Variants in PRKN observed in about 807,000 individuals in gnomAD.
PRKN encodes the protein E3 ubiquitin-protein ligase parkin.
A neutral mutation model predicts 59.5 loss-of-function variants in PRKN; 56 were observed. The observed-to-expected ratio is 0.94, with a 90% CI of 0.76 to 1.18. The LOEUF (loss-of-function observed/expected upper bound fraction) is 1.18. Ranked by LOEUF, PRKN falls within the 50% of genes most tolerant of loss-of-function variation. PRKN has a pLI of 0.00. For missense variants in PRKN, 657 were observed against 596.4 expected, an observed-to-expected ratio of 1.10 and a Z score of -1.06; for synonymous variants, 250 against 222.1, an observed-to-expected ratio of 1.13 and a Z score of -1.12.
At chr6:162,001,672 C>A (rs1782061737) in intron 5 of PRKN, among the ~76,000 whole-genome samples, 1 of 151,822 alleles carries the variant, frequency 6.6e-6, no homozygotes, top group Non-Finnish European at 1.5e-5. Flanking sequence ...ATTAGTTAGG[C>A]CTTCCAGTAA....
intron 3 of PRKN, among the ~76,000 whole-genome samples, chr6:162,247,580 T>G (rs1779253559): frequency 1.3e-5 from 2 of 152,172 alleles, no homozygotes; most frequent in Non-Finnish European, 2.9e-5. Context: ...TCCAATGCAT[T>G]AATGCAAAAT....
At position 162,435,040 on chromosome 6, in the gene PRKN, T is replaced by C. The variant is rs541252252; in HGVS notation, c.171+8270A>G. Among the ~76,000 whole-genome samples the C allele has an allele frequency of 2.6e-5, 4 of 152,318 alleles. No individual in the cohort carries two copies. In the South Asian group the frequency reaches 6.2e-4, roughly 24 times the overall value. On this transcript the variant is annotated intron_variant, in intron 2 of 11. Coordinates refer to ENST00000366898, the MANE Select transcript of PRKN (RefSeq NM_004562.3). ...AAAATCTCAGATAACATCAGGTCAA[T>C]TGGATGATGGAATCTTAGTCCAATA...
chr6:162,107,403 T>A (rs1373460800), intron 4 of PRKN, among the ~76,000 whole-genome samples: 1 of 152,138 alleles, frequency 6.6e-6, no homozygotes, highest in Non-Finnish European at 1.5e-5. Flanking sequence ...AGGTGGAGGT[T>A]GCAGTGAGCC....
intron 6 of PRKN, among the ~76,000 whole-genome samples, chr6:161,812,480 G>A (rs986041666): frequency 2.6e-5 from 4 of 152,134 alleles, no homozygotes; most frequent in Non-Finnish European, 5.9e-5. Flanking sequence ...ATCTGTCTGA[G>A]AAAGGACCTA....
chr6:162,012,444 A>G (rs559344650), intron 5 of PRKN, among the ~76,000 whole-genome samples: 2 of 152,240 alleles, frequency 1.3e-5, no homozygotes, highest in East Asian at 3.9e-4. Flanking sequence ...ACATTATTAT[A>G]TATCTTTATG....
intron 1 of PRKN, among the ~76,000 whole-genome samples, chr6:162,622,361 T>G (rs1782710916): frequency 6.6e-6 from 1 of 151,936 alleles, no homozygotes; most frequent in African/African-American, 2.4e-5. Context: ...TTTTTGCATT[T>G]TTAGTAGAGA....
chr6:162,670,218 C>T (rs1215432293), intron 1 of PRKN, among the ~76,000 whole-genome samples: 2 of 152,276 alleles, frequency 1.3e-5, no homozygotes, highest in South Asian at 2.1e-4. Context: ...ACATTTATAA[C>T]AGCAACAGCC....
chr6:161,816,407 T>A (rs1230994592), intron 6 of PRKN, among the ~76,000 whole-genome samples: 1 of 151,972 alleles, frequency 6.6e-6, no homozygotes, highest in Non-Finnish European at 1.5e-5. Context: ...GAGGCAATTG[T>A]GGGGGTGATG....
rs557068112 is a variant in PRKN at position 162,721,258 on chromosome 6, G to A, written c.7+6404C>T. Among the ~76,000 whole-genome samples the A allele has an allele frequency of 2.7e-4, 41 of 152,310 alleles. 1 individual carries two copies. The South Asian group carries it at 8.3e-3, about 31-fold the overall frequency. ...TCAAGTATTCTGTTTTATCTAAGAAGTACAATGAAGGTCATGAGAAGTCCT... is the reference window on the plus strand; with the variant it reads ...TCAAGTATTCTGTTTTATCTAAGAAATACAATGAAGGTCATGAGAAGTCCT... On this transcript the variant is annotated intron_variant, in intron 1 of 11. Transcript: ENST00000366898.
At chr6:162,235,961 G>GAAAGAAAGAAAGAAAGAAAGAAAGAAAGA (rs1778661318) in intron 3 of PRKN, among the ~76,000 whole-genome samples, 2 of 54,356 alleles carry the variant, frequency 3.7e-5, no homozygotes, top group African/African-American at 1.8e-4. Context: ...AAGAAAGGAA[G>GAAAGAAAGAAAGAAAGAAAGAAAGAAAGA]AAAGAAAGAA....
intron 1 of PRKN, among the ~76,000 whole-genome samples, chr6:162,514,144 G>T (rs1190879438): frequency 6.6e-6 from 1 of 152,046 alleles, no homozygotes; most frequent in African/African-American, 2.4e-5. Flanking sequence ...TATAAATTTT[G>T]CAGTAGACAA....
intron 5 of PRKN, among the ~76,000 whole-genome samples, chr6:161,975,947 C>T (rs1781015115): frequency 6.6e-6 from 1 of 152,114 alleles, no homozygotes; most frequent in African/African-American, 2.4e-5. Context: ...ACTCTATCGC[C>T]TAGGCTGGAA....
chr6:162,172,071 T>C (rs895174696), intron 4 of PRKN, among the ~76,000 whole-genome samples: 3 of 152,196 alleles, frequency 2.0e-5, no homozygotes, highest in South Asian at 2.1e-4. Flanking sequence ...GCTGAGGATA[T>C]TGAAGTGCAC....
intron 7 of PRKN, among the ~76,000 whole-genome samples, chr6:161,779,279 C>A (rs985347161): frequency 2.6e-5 from 4 of 151,862 alleles, no homozygotes; most frequent in African/African-American, 7.3e-5. Context: ...ATTGATATAA[C>A]CTTTAGCTCC....
chr6:162,488,565 T>G (rs962548421), intron 1 of PRKN, among the ~76,000 whole-genome samples: 1 of 152,178 alleles, frequency 6.6e-6, no homozygotes, highest in African/African-American at 2.4e-5. Flanking sequence ...AGCATGATAA[T>G]GAAGAACACA....
chr6:162,243,189 G>C (rs1188112358), intron 3 of PRKN, among the ~76,000 whole-genome samples: 1 of 150,868 alleles, frequency 6.6e-6, no homozygotes, highest in Non-Finnish European at 1.5e-5. Flanking sequence ...TCATTTTATT[G>C]AAAAGGTTCC....
At chr6:161,368,138 G>A (rs1432909245) in intron 10 of PRKN, among the ~76,000 whole-genome samples, 1 of 151,534 alleles carries the variant, frequency 6.6e-6, no homozygotes, top group Non-Finnish European at 1.5e-5. Context: ...TTTTCAAACA[G>A]CTTGTGGCCA....
rs201009805 is a variant in PRKN, at chr6:162,584,249, A to AC, written c.8-140777_8-140776insG. Among the ~76,000 whole-genome samples the AC allele has an allele frequency of 1.0e-3, 102 of 102,376 alleles. 1 individual carries two copies. Among genetic ancestry groups the AC allele is most frequent in the African/African-American group, 1.8e-3 (66 of 35,744 alleles). The allele number at this position is 102,376 out of a possible 152,430, so 67.2% of individuals were successfully genotyped here. The stretch of plus-strand genomic sequence containing the variant: ...ACAAAAAACAAAAAACAAAAAACAA[A>AC]AAAAAAAAAAACACTGACTATATTT... On this transcript the variant is annotated intron_variant, in intron 1 of 11. Coordinates refer to ENST00000366898, the MANE Select transcript of PRKN (RefSeq NM_004562.3).
chr6:162,290,992 T>A (rs1781402905), intron 2 of PRKN, among the ~76,000 whole-genome samples: 2 of 152,330 alleles, frequency 1.3e-5, no homozygotes, highest in South Asian at 4.1e-4. Context: ...TCCGAAGTTC[T>A]GAGATAGTAG....
Sources: allele counts gnomAD v4.1 joint callset (sites outside exome capture counted in the v4.1 genomes callset), GRCh38; gene constraint gnomAD v4.1.1; transcripts MANE v1.5; gene names NCBI Gene and HGNC (gene_info 2026-07-23, HGNC 2026-07-21).